SGK2: variants seen among roughly 807,000 people sequenced by gnomAD.
SGK2 encodes serum/glucocorticoid regulated kinase 2.
A neutral mutation model predicts 47.5 loss-of-function variants in SGK2; 36 were observed. The ratio of observed to expected loss-of-function variants is 0.76; its 90% CI spans 0.58 to 1.00. SGK2 has a LOEUF of 1.00. Ranked by LOEUF, SGK2 falls within the 50% of genes least tolerant of loss-of-function variation. SGK2 has a pLI of 0.00. For synonymous variants in SGK2, 157 were observed against 181.9 expected, an observed-to-expected ratio of 0.86 and a Z score of 1.10; for missense variants, 404 against 467.4, an observed-to-expected ratio of 0.86 and a Z score of 1.25.
chr20:43,560,498 CAAAA>C (rs5841509), intron 1 of SGK2, among the ~76,000 whole-genome samples: 1 of 117,916 alleles, frequency 8.5e-6, no homozygotes, highest in Admixed American at 8.7e-5. Flanking sequence ...GACTCCATCT[CAAAA>C]AAAAAAAAAA....
At position 43,585,189 on chromosome 20, in the gene SGK2, A is replaced by T. The variant is rs951848057; in HGVS notation, c.*173A>T. On this transcript the variant is annotated 3_prime_UTR_variant, in exon 13 of 13. Transcript: ENST00000373100. ...GAGTCCAGGACTGGCAGGACAGGTC[A>T]TCAGATACTCAGAGGCTGTATCTCT... 1 of 551,578 alleles carries T rather than the reference A, an allele frequency of 1.8e-6. No homozygotes were observed. Among genetic ancestry groups the T allele is most frequent in the African/African-American group, 1.9e-5 (1 of 52,994 alleles). The allele number at this position is 551,578 out of a possible 1,614,324, so 34.2% of individuals were successfully genotyped here.
At chr20:43,564,787 CAT>C (rs1365352619) in intron 1 of SGK2, 9 of 152,636 alleles carry the variant, frequency 5.9e-5, no homozygotes, top group South Asian at 2.1e-4. Flanking sequence ...GATGCACAGA[CAT>C]ATGCTGATGT....
chr20:43,568,091 C>T, intron 5 of SGK2, 92 bp downstream of exon 5: 1 of 1,008,234 alleles, frequency 9.9e-7, no homozygotes, highest in Non-Finnish European at 1.6e-6. Flanking sequence ...TCTGACAGGT[C>T]CATGGGCCTG....
intron 1 of SGK2, chr20:43,565,958 C>T (rs543869737): frequency 5.3e-6 from 1 of 189,042 alleles, no homozygotes; most frequent in Admixed American, 6.0e-5. Context: ...CAGAGCCCAG[C>T]TGGGACTGCG....
intron 1 of SGK2, among the ~76,000 whole-genome samples, chr20:43,562,051 C>G (rs1271302655): frequency 6.6e-6 from 1 of 151,992 alleles, no homozygotes; most frequent in Admixed American, 6.6e-5. Flanking sequence ...AGGCTGAAGA[C>G]TGAGGGAGGA....
intron 12 of SGK2, among the ~76,000 whole-genome samples, chr20:43,582,240 T>G (rs1191782893): frequency 6.6e-6 from 1 of 152,090 alleles, no homozygotes; most frequent in East Asian, 1.9e-4. Context: ...GTATTTTTTG[T>G]ACAGATGATG....
intron 5 of SGK2, 118 bp from the exon 6 acceptor site, chr20:43,569,267 G>A (rs2145539278): frequency 7.6e-7 from 1 of 1,311,462 alleles, no homozygotes. Flanking sequence ...TGTTTGAGCA[G>A]GGGCATGAGA....
chr20:43,581,525 T>A (rs558687352), intron 12 of SGK2, among the ~76,000 whole-genome samples: 316 of 152,168 alleles, frequency 2.1e-3, no homozygotes, highest in Non-Finnish European at 3.4e-3. Context: ...AATGCTAATG[T>A]TTTTTAGATT....
At chr20:43,568,028 T>A (rs759258181) in intron 5 of SGK2, 29 bp downstream of exon 5, 6 of 1,590,084 alleles carry the variant, frequency 3.8e-6, no homozygotes, top group Non-Finnish European at 5.2e-6. Flanking sequence ...AGGCATTTCT[T>A]CTTCTGCTTC....
At chr20:43,583,457 G>A in intron 12 of SGK2, 1 of 1,181,918 alleles carries the variant, frequency 8.5e-7, no homozygotes, top group Non-Finnish European at 1.1e-6. Flanking sequence ...GGAACTCTGA[G>A]TGCTGGGCTG....
chr20:43,583,527 T>C (rs1568680800), intron 12 of SGK2: 2 of 985,446 alleles, frequency 2.0e-6, no homozygotes, highest in Non-Finnish European at 2.4e-6. Flanking sequence ...TTTGGCTCCA[T>C]AGCCCGACTT....
chr20:43,566,118 T>C, intron 1 of SGK2: 1 of 504,072 alleles, frequency 2.0e-6, no homozygotes, highest in Non-Finnish European at 3.5e-6. Context: ...CTTTATGCCC[T>C]GAAAAGATCC....
Position 43,571,064 on chromosome 20 carries a change from G to GGTGGGTGTGT in SGK2, c.510+7_510+8insGGTGTGTGTG, listed in dbSNP as rs796100790. Reference sequence around the variant, plus strand: ...GAACATTCTCTTGGACTGCCAGGTTGGTGTGTGTGTGTGTGTGTGTGTGTG... The same window carrying GGTGGGTGTGT: ...GAACATTCTCTTGGACTGCCAGGTTGGTGGGTGTGTGTGTGTGTGTGTGTGTGTGTGTGTG... On this transcript the variant is annotated splice_donor_region_variant and intron_variant, in intron 8 of 12. Coordinates refer to ENST00000373100, the MANE Select transcript of SGK2 (RefSeq NM_170693.3). 5.3e-4 allele frequency: 836 copies of GGTGGGTGTGT among 1,565,990 alleles called. 6 individuals carry two copies. In the African/African-American group the frequency reaches 6.9e-3, roughly 13 times the overall value.
chr20:43,584,242 A>G (rs1980971535), intron 12 of SGK2, among the ~76,000 whole-genome samples: 1 of 152,138 alleles, frequency 6.6e-6, no homozygotes, highest in African/African-American at 2.4e-5. Flanking sequence ...CCTGATGTGC[A>G]ATTTTCAAGC....
chr20:43,559,551 TCTC>T (rs1979267654), intron 1 of SGK2, among the ~76,000 whole-genome samples: 3 of 152,158 alleles, frequency 2.0e-5, no homozygotes, highest in African/African-American at 7.2e-5. Context: ...GCCTCAGTTT[TCTC>T]CTCCTTGAAA....
intron 1 of SGK2, 124 bp downstream of exon 1, chr20:43,559,283 C>T (rs140068045): frequency 5.8e-4 from 88 of 152,374 alleles, no homozygotes; most frequent in Middle Eastern, 3.2e-3. Flanking sequence ...TCTTCCTTGG[C>T]GACTTCTTTC....
intron 11 of SGK2, 124 bp from the exon 12 acceptor site, chr20:43,579,848 C>T (rs1266686090): frequency 2.7e-6 from 2 of 729,802 alleles, no homozygotes; most frequent in African/African-American, 3.5e-5. Context: ...CTAGCCAGAA[C>T]TGCAAGTTAA....
At chr20:43,567,400 G>A (rs563866430) in intron 3 of SGK2, among the ~76,000 whole-genome samples, 1 of 152,182 alleles carries the variant, frequency 6.6e-6, no homozygotes, top group African/African-American at 2.4e-5. Flanking sequence ...TTCTATGCAG[G>A]CCTTCTGTGC....
chr20:43,567,257 CTAT>C, intron 3 of SGK2, 140 bp downstream of exon 3: 1 of 713,074 alleles, frequency 1.4e-6, no homozygotes, highest in Non-Finnish European at 2.5e-6. Context: ...TTCCCCAGCT[CTAT>C]CTCCCACAAA....
Sources: allele counts gnomAD v4.1 joint callset (sites outside exome capture counted in the v4.1 genomes callset), GRCh38; gene constraint gnomAD v4.1.1; transcripts MANE v1.5; gene names NCBI Gene and HGNC (gene_info 2026-07-23, HGNC 2026-07-21).